PARP16: variants seen among roughly 807,000 people sequenced by gnomAD.
PARP16 encodes the protein protein mono-ADP-ribosyltransferase PARP16.
A neutral mutation model predicts 35.0 loss-of-function variants in PARP16; 31 were observed. The observed-to-expected ratio is 0.88, with a 90% CI of 0.66 to 1.19. The LOEUF (loss-of-function observed/expected upper bound fraction) is 1.19, where lower values mean the gene tolerates loss of function less well. PARP16 is among the 50% of genes most tolerant of loss of function. The pLI is 0.00. For missense variants in PARP16, 424 were observed against 411.2 expected, an observed-to-expected ratio of 1.03 and a Z score of -0.27; for synonymous variants, 162 against 169.5, an observed-to-expected ratio of 0.96 and a Z score of 0.34.
intron 1 of PARP16, among the ~76,000 whole-genome samples, chr15:65,276,651 G>A (rs1595713918): frequency 6.6e-6 from 1 of 152,236 alleles, no homozygotes; most frequent in South Asian, 2.1e-4. Flanking sequence ...ACAGGCATGA[G>A]CCCCTGTGTT....
At chr15:65,248,232 G>C in intron 2 of PARP16, 1 of 456,486 alleles carries the variant, frequency 2.2e-6, no homozygotes, top group Non-Finnish European at 4.4e-6. Context: ...CCAGTGCCTA[G>C]TGTGGGGACA....
At chr15:65,265,645 G>T (rs1567025262) in intron 3 of PARP16, among the ~76,000 whole-genome samples, 1 of 152,186 alleles carries the variant, frequency 6.6e-6, no homozygotes, top group Non-Finnish European at 1.5e-5. Flanking sequence ...GGTCCCCAAG[G>T]AAAGTGCTTC....
chr15:65,269,176 T>TTTTCTTTCTTTC (rs58938798), intron 2 of PARP16, among the ~76,000 whole-genome samples: 13,241 of 145,912 alleles, frequency 0.091, 716 homozygotes, highest in Middle Eastern at 0.11. Context: ...TAGTCGGTTT[T>TTTTCTTTCTTTC]TTTCTTTCTT....
intron 5 of PARP16, 80 bp downstream of exon 5, chr15:65,260,805 G>T: frequency 7.6e-7 from 1 of 1,316,722 alleles, no homozygotes; most frequent in Non-Finnish European, 1.1e-6. Flanking sequence ...CTAAGGCTGG[G>T]GGAGGGGAGG....
chr15:65,277,378 C>T (rs1015615893), intron 1 of PARP16, among the ~76,000 whole-genome samples: 1 of 152,204 alleles, frequency 6.6e-6, no homozygotes, highest in African/African-American at 2.4e-5. Flanking sequence ...CTGGTTGGGA[C>T]AAACACTCCC....
intron 3 of PARP16, among the ~76,000 whole-genome samples, chr15:65,242,509 C>T (rs2089107159): frequency 6.6e-6 from 1 of 152,120 alleles, no homozygotes; most frequent in Non-Finnish European, 1.5e-5. Context: ...AACACAGTAT[C>T]TCTCACCACT....
At chr15:65,240,796 G>A (rs140007142) in intron 3 of PARP16, among the ~76,000 whole-genome samples, 4 of 152,106 alleles carry the variant, frequency 2.6e-5, no homozygotes, top group African/African-American at 9.6e-5. Flanking sequence ...TCATGTGGTA[G>A]GTGTATGTTT....
chr15:65,286,132 G>A, intron 1 of PARP16, 121 bp downstream of exon 1: 4 of 802,760 alleles, frequency 5.0e-6, no homozygotes, highest in African/African-American at 1.8e-5. Context: ...AGACCAAGCT[G>A]GGAATGGAAA....
intron 1 of PARP16, among the ~76,000 whole-genome samples, chr15:65,276,959 G>A (rs1222418935): frequency 1.3e-5 from 2 of 150,570 alleles, no homozygotes; most frequent in Non-Finnish European, 3.0e-5. Flanking sequence ...TCCAACCTGG[G>A]CAACAAGAGT....
chr15:65,232,220 G>A (rs1595969957), downstream of PARP16, among the ~76,000 whole-genome samples: 1 of 152,276 alleles, frequency 6.6e-6, no homozygotes, highest in East Asian at 1.9e-4. Flanking sequence ...TTGGGAGGTA[G>A]TGGTGTTTAT....
chr15:65,256,565 G>A (rs987760594), downstream of PARP16, among the ~76,000 whole-genome samples: 2 of 151,862 alleles, frequency 1.3e-5, no homozygotes, highest in African/African-American at 4.8e-5. Context: ...CCGCAACCAC[G>A]CCCGGCTAAT....
intron 1 of PARP16, among the ~76,000 whole-genome samples, chr15:65,274,727 G>A (rs1443167445): frequency 6.6e-6 from 1 of 152,104 alleles, no homozygotes; most frequent in African/African-American, 2.4e-5. Context: ...CATCTACTTT[G>A]TGCCAGGCCC....
chr15:65,279,112 G>A (rs2090345627), intron 1 of PARP16, among the ~76,000 whole-genome samples: 1 of 152,120 alleles, frequency 6.6e-6, no homozygotes. Context: ...GGAAGTAGGG[G>A]TTCTCCTAGG....
intron 2 of PARP16, among the ~76,000 whole-genome samples, chr15:65,249,989 A>G (rs998093104): frequency 1.3e-5 from 2 of 152,106 alleles, no homozygotes; most frequent in Non-Finnish European, 2.9e-5. Context: ...CCAGTCTGGA[A>G]AGGGAACTCG....
At chr15:65,253,968 C>A (rs2089432398), downstream of PARP16, among the ~76,000 whole-genome samples, 3 of 152,132 alleles carry the variant, frequency 2.0e-5, no homozygotes, top group Non-Finnish European at 4.4e-5. Context: ...CAGGCGCACA[C>A]CACCACACCC....
intron 2 of PARP16, among the ~76,000 whole-genome samples, chr15:65,270,298 TG>T (rs905476264): frequency 2.0e-5 from 3 of 152,124 alleles, no homozygotes; most frequent in African/African-American, 7.2e-5. Context: ...GAAACTGTGC[TG>T]GGGGGGTGAC....
intron 2 of PARP16, among the ~76,000 whole-genome samples, chr15:65,251,289 C>G (rs1567013883): frequency 1.3e-5 from 2 of 152,162 alleles, no homozygotes; most frequent in Admixed American, 1.3e-4. Context: ...GAATTCACAC[C>G]TTTCTATAGT....
At position 65,270,983 on chromosome 15, in the gene PARP16, C is replaced by T. The variant is rs2090074827; in HGVS notation, c.264G>A (p.Trp88Ter). 6.2e-7 allele frequency: 1 copy of T among 1,614,010 alleles called. No individual in the cohort carries two copies. Among genetic ancestry groups the T allele is most frequent in the Non-Finnish European group, 8.5e-7 (1 of 1,180,000 alleles). The stretch of plus-strand genomic sequence containing the variant: ...TTGTCAGGACCTTTGAGGATAAAAT[C>T]CAGCTCACCAGGTCCCAGGCCCGTT... Reference protein sequence around the residue: ...NHKRAWDLVSWILSSKVLTIH... With the variant: ...NHKRAWDLVS Residue 88 changes from tryptophan (W) to a stop codon, truncating the protein, a stop_gained, in exon 2 of 6, where the codon TGG (tryptophan) becomes TGA (stop). Transcript: ENST00000649807. LOFTEE classifies it high-confidence loss of function.
chr15:65,269,787 T>C (rs1161117500), intron 2 of PARP16, among the ~76,000 whole-genome samples: 1 of 152,152 alleles, frequency 6.6e-6, no homozygotes, highest in African/African-American at 2.4e-5. Context: ...TTAAAAGAAA[T>C]TTAACTGGTC....
Sources: allele counts gnomAD v4.1 joint callset (sites outside exome capture counted in the v4.1 genomes callset), GRCh38; gene constraint gnomAD v4.1.1; transcripts MANE v1.5; gene names NCBI Gene and HGNC (gene_info 2026-07-23, HGNC 2026-07-21).